The following C5 variants were observed in gnomAD, a reference collection of about 807,000 sequenced individuals.
C5 encodes the protein C3 and PZP-like alpha-2-macroglobulin domain-containing protein 4.
Under a neutral mutation model 218.8 loss-of-function variants are expected in C5, and 140 were observed. That is an observed-to-expected ratio of 0.64 (90% CI 0.56 to 0.74). The LOEUF is 0.74. Ranked by LOEUF, C5 falls within the 30% of genes least tolerant of loss-of-function variation. The pLI is 0.00. For missense variants in C5, 1,700 were observed against 1,969.6 expected (o/e 0.86, Z 2.59); for synonymous variants, 614 against 682.3 (o/e 0.90, Z 1.56).
intron 39 of C5, 145 bp from the exon 40 acceptor site, chr9:120,954,013 G>A (rs1412650123): frequency 1.2e-6 from 1 of 806,208 alleles, no homozygotes. Context: ...TAAGGCTTCA[G>A]TCTCTGGAGC....
chr9:121,066,030 A>G, the C5 span, among the ~76,000 whole-genome samples: 1 of 152,162 alleles, frequency 6.6e-6, no homozygotes, highest in African/African-American at 2.4e-5. Flanking sequence ...AAATGCAGCA[A>G]CAGGTTGGGC....
chr9:121,030,598 A>G, intron 6 of C5, 111 bp from the exon 7 acceptor site: 1 of 630,440 alleles, frequency 1.6e-6, no homozygotes, highest in Non-Finnish European at 2.9e-6. Flanking sequence ...ACATCAACAC[A>G]ACATCCACTT....
intron 18 of C5, among the ~76,000 whole-genome samples, chr9:121,007,548 T>C (rs927776937): frequency 4.6e-5 from 7 of 152,080 alleles, no homozygotes; most frequent in Non-Finnish European, 5.9e-5. Flanking sequence ...ATTATAAGAG[T>C]TCAGAGGCAG....
the C5 span, among the ~76,000 whole-genome samples, chr9:121,060,661 C>A: frequency 6.6e-6 from 1 of 151,924 alleles, no homozygotes; most frequent in Admixed American, 6.6e-5. Flanking sequence ...TTAGTCTATC[C>A]CTCCCCACCC....
chr9:121,025,395 CTA>C, intron 9 of C5, 57 bp downstream of exon 9: 1 of 1,439,236 alleles, frequency 6.9e-7, no homozygotes, highest in Non-Finnish European at 9.2e-7. Context: ...AATATTCTGT[CTA>C]AATATTTTTC....
At chr9:121,043,398 T>A (rs916257646) in intron 2 of C5, among the ~76,000 whole-genome samples, 5 of 152,248 alleles carry the variant, frequency 3.3e-5, no homozygotes, top group Non-Finnish European at 5.9e-5. Flanking sequence ...GTTCCATGTT[T>A]CCTAAATTTT....
At chr9:120,995,539 G>T (rs2047109621) in intron 22 of C5, among the ~76,000 whole-genome samples, 1 of 152,068 alleles carries the variant, frequency 6.6e-6, no homozygotes. Context: ...TTTGTTTAGT[G>T]ATTAATTAGC....
chr9:120,972,536 C>T (rs1180872203), intron 30 of C5, among the ~76,000 whole-genome samples: 3 of 152,116 alleles, frequency 2.0e-5, no homozygotes, highest in Admixed American at 6.5e-5. Flanking sequence ...ACCCCTGGTA[C>T]CCCACCCCAA....
At chr9:121,014,402 T>G (rs1291710293) in intron 16 of C5, among the ~76,000 whole-genome samples, 1 of 152,148 alleles carries the variant, frequency 6.6e-6, no homozygotes, top group Non-Finnish European at 1.5e-5. Flanking sequence ...TTTAAGAAAA[T>G]AAGTTAAATA....
chr9:121,016,513 C>T lies in C5; in HGVS notation c.1867-130G>A, dbSNP rs546990640. 6 of 1,237,428 alleles carry T rather than the reference C, an allele frequency of 4.8e-6. No homozygotes were observed. The South Asian group carries it at 6.6e-5, about 14-fold the overall frequency. 76.7% of individuals were successfully genotyped at this position (1,237,428 alleles called of 1,614,324 possible). A position where few individuals can be genotyped will look rare whatever the true frequency, so the allele number is the denominator to read the frequency against. ...ACACAGATGATATTTTTCAAATGAT[C>T]AAAGACAAAATTTCCCAACTTTGTT... is the stretch of plus-strand genomic sequence containing the variant. On this transcript the variant is annotated intron_variant, in intron 14 of 40. Coordinates refer to ENST00000223642, the MANE Select transcript of C5 (RefSeq NM_001735.3).
intron 30 of C5, among the ~76,000 whole-genome samples, chr9:120,972,883 T>A (rs1460970409): frequency 1.3e-5 from 2 of 152,160 alleles, no homozygotes; most frequent in African/African-American, 4.8e-5. Flanking sequence ...TGATAGAATA[T>A]AGCAGCATTT....
At chr9:120,957,204 T>C in intron 39 of C5, 81 bp downstream of exon 39, 1 of 939,474 alleles carries the variant, frequency 1.1e-6, no homozygotes. Flanking sequence ...TTGTATCTTC[T>C]GTGTTTAATA....
intron 22 of C5, among the ~76,000 whole-genome samples, chr9:120,995,814 T>C (rs1360332596): frequency 7.0e-6 from 1 of 142,262 alleles, no homozygotes; most frequent in African/African-American, 2.5e-5. Context: ...ATCTAAGAAG[T>C]GGATACTTTT....
At chr9:120,985,363 T>G (rs541953178) in intron 25 of C5, among the ~76,000 whole-genome samples, 2 of 152,322 alleles carry the variant, frequency 1.3e-5, no homozygotes, top group African/African-American at 4.8e-5. Flanking sequence ...TAGAAAAGAA[T>G]TTTTTAGTCA....
intron 25 of C5, among the ~76,000 whole-genome samples, chr9:120,987,405 G>A (rs1375913714): frequency 6.6e-6 from 1 of 151,996 alleles, no homozygotes; most frequent in Non-Finnish European, 1.5e-5. Flanking sequence ...AGCCCTTTGG[G>A]AGGTTGAGGT....
chr9:120,983,440 A>T (rs1184968684), intron 25 of C5, among the ~76,000 whole-genome samples: 1 of 152,200 alleles, frequency 6.6e-6, no homozygotes, highest in Non-Finnish European at 1.5e-5. Flanking sequence ...TCAGTCGCCC[A>T]GGAGGCTCCA....
intron 26 of C5, among the ~76,000 whole-genome samples, chr9:120,982,303 C>T (rs1205848658): frequency 1.3e-5 from 2 of 152,142 alleles, no homozygotes; most frequent in African/African-American, 4.8e-5. Flanking sequence ...AGCCACCGCA[C>T]CTGGCCTCTA....
the C5 span, among the ~76,000 whole-genome samples, chr9:121,074,263 T>C: frequency 6.6e-6 from 1 of 152,234 alleles, no homozygotes; most frequent in African/African-American, 2.4e-5. Context: ...TCCAGCCCAG[T>C]ATCTGCTAAA....
intron 11 of C5, 37 bp from the exon 12 acceptor site, chr9:121,020,216 G>T: frequency 7.4e-7 from 1 of 1,345,696 alleles, no homozygotes; most frequent in Non-Finnish European, 1.1e-6. Context: ...TGTATACTGT[G>T]ATGTAATGCT....
Sources: gnomAD v4.1 joint callset for allele counts (sites outside exome capture counted in the v4.1 genomes callset) on GRCh38, gnomAD v4.1.1 for gene constraint, MANE v1.5 for transcripts, NCBI Gene and HGNC (gene_info 2026-07-23, HGNC 2026-07-21) for gene names.